CNTN5: variants seen among roughly 807,000 people sequenced by gnomAD.
CNTN5 encodes contactin-5.
CNTN5 carries 77 observed loss-of-function variants against 129.1 expected under a neutral mutation model. That is an observed-to-expected ratio of 0.60 (90% CI 0.50 to 0.72). The LOEUF is 0.72. Among genes scored for constraint, CNTN5 ranks in the 30% least tolerant of loss-of-function variants. CNTN5 has a pLI of 0.00. For synonymous variants in CNTN5, 509 were observed against 465.6 expected (o/e 1.09, Z -1.20); for missense variants, 1,478 against 1,328.8 (o/e 1.11, Z -1.75).
At chr11:100,036,333 G>T (rs1185520668) in intron 9 of CNTN5, among the ~76,000 whole-genome samples, 37 of 145,334 alleles carry the variant, frequency 2.5e-4, no homozygotes, top group South Asian at 6.6e-4. Context: ...CTATATCTCT[G>T]TTTTGGTACC....
chr11:99,259,345 T>C (rs1303788021), intron 1 of CNTN5, among the ~76,000 whole-genome samples: 1 of 151,782 alleles, frequency 6.6e-6, no homozygotes, highest in Admixed American at 6.6e-5. Flanking sequence ...TACACATAAG[T>C]ATTAATATTA....
chr11:99,881,995 C>A (rs1190960097), intron 6 of CNTN5, among the ~76,000 whole-genome samples: 2 of 152,134 alleles, frequency 1.3e-5, no homozygotes, highest in African/African-American at 2.4e-5. Context: ...ATGGGGACAA[C>A]AGAAGCCTGA....
intron 1 of CNTN5, among the ~76,000 whole-genome samples, chr11:99,272,282 T>G (rs1166422365): frequency 6.6e-6 from 1 of 151,460 alleles, no homozygotes. Context: ...AATGGAGATC[T>G]ATTTGAGTAA....
At chr11:100,176,016 G>A (rs1004171677) in intron 13 of CNTN5, among the ~76,000 whole-genome samples, 2 of 151,888 alleles carry the variant, frequency 1.3e-5, no homozygotes, top group African/African-American at 2.4e-5. Flanking sequence ...TATAGTTGAA[G>A]GGATTCATAA....
intron 4 of CNTN5, among the ~76,000 whole-genome samples, chr11:99,843,754 C>T (rs938982023): frequency 1.8e-4 from 28 of 152,004 alleles, no homozygotes; most frequent in African/African-American, 6.5e-4. Context: ...AGGACAGCCC[C>T]GCCTCAACAG....
rs76420502 is a variant in CNTN5, at chr11:99,348,845, T to C, written c.-71+23361T>C. The stretch of plus-strand genomic sequence containing the variant: ...TAATATAAAACTCTCCCCTGCAATG[T>C]CACCCAGTGGTGCCTAAGTGCTCCA... On this transcript the variant is annotated intron_variant, in intron 2 of 24. Transcript: ENST00000524871. Among the ~76,000 whole-genome samples, 738 of 152,342 alleles carry C rather than the reference T, an allele frequency of 4.8e-3. 4 individuals carry two copies. Among genetic ancestry groups the C allele is most frequent in the African/African-American group, 0.016 (667 of 41,582 alleles).
intron 2 of CNTN5, among the ~76,000 whole-genome samples, chr11:99,498,917 G>A (rs1345920533): frequency 6.6e-6 from 1 of 152,164 alleles, no homozygotes; most frequent in Non-Finnish European, 1.5e-5. Context: ...ACTGAGTAAG[G>A]AGATCTAGGA....
intron 2 of CNTN5, among the ~76,000 whole-genome samples, chr11:99,462,652 C>T (rs1465511344): frequency 6.6e-6 from 1 of 152,122 alleles, no homozygotes; most frequent in Admixed American, 6.6e-5. Context: ...CCAAAAGAGT[C>T]CGGTAGTACT....
chr11:100,150,854 G>A (rs986620538), intron 13 of CNTN5, among the ~76,000 whole-genome samples: 8 of 152,068 alleles, frequency 5.3e-5, no homozygotes, highest in African/African-American at 1.9e-4. Context: ...CTAATGTGAT[G>A]GTATTTGGAA....
At chr11:99,762,756 A>C (rs1293072137) in intron 3 of CNTN5, among the ~76,000 whole-genome samples, 1 of 152,196 alleles carries the variant, frequency 6.6e-6, no homozygotes, top group Non-Finnish European at 1.5e-5. Context: ...TGAGACAGGA[A>C]GGAAACCATT....
chr11:100,106,468 G>A (rs1322545659), intron 13 of CNTN5, among the ~76,000 whole-genome samples: 1 of 151,644 alleles, frequency 6.6e-6, no homozygotes, highest in Non-Finnish European at 1.5e-5. Context: ...GGAAGAAAAG[G>A]GAGCATTCTG....
At chr11:100,153,017 G>C (rs1383385490) in intron 13 of CNTN5, among the ~76,000 whole-genome samples, 1 of 151,984 alleles carries the variant, frequency 6.6e-6, no homozygotes, top group Non-Finnish European at 1.5e-5. Context: ...CACAAAAAAA[G>C]TATTCTCATA....
intron 2 of CNTN5, among the ~76,000 whole-genome samples, chr11:99,409,189 G>T (rs1408334407): frequency 6.6e-6 from 1 of 152,146 alleles, no homozygotes; most frequent in Non-Finnish European, 1.5e-5. Flanking sequence ...TGCCGGCCAG[G>T]CACGATGGCT....
chr11:99,645,146 G>C (rs2135857409), intron 3 of CNTN5, among the ~76,000 whole-genome samples: 1 of 148,170 alleles, frequency 6.7e-6, no homozygotes, highest in South Asian at 2.2e-4. Context: ...TGTAGTCCCA[G>C]CTGCTCGGGA....
At chr11:99,908,190 C>T (rs889905029) in intron 6 of CNTN5, among the ~76,000 whole-genome samples, 2 of 151,580 alleles carry the variant, frequency 1.3e-5, no homozygotes, top group Admixed American at 1.3e-4. Context: ...TGAAGTTGTG[C>T]CAGGGGAATA....
At chr11:99,323,955 G>C (rs1865676629) in intron 1 of CNTN5, among the ~76,000 whole-genome samples, 1 of 151,994 alleles carries the variant, frequency 6.6e-6, no homozygotes, top group African/African-American at 2.4e-5. Context: ...AAGCAAGGAA[G>C]ACAAAAAGGA....
intron 3 of CNTN5, among the ~76,000 whole-genome samples, chr11:99,680,884 T>A (rs1953521508): frequency 1.3e-5 from 2 of 151,938 alleles, no homozygotes; most frequent in South Asian, 4.2e-4. Flanking sequence ...ATTAAAAACC[T>A]TTTGATAAGG....
intron 13 of CNTN5, among the ~76,000 whole-genome samples, chr11:100,177,194 C>T: frequency 6.6e-6 from 1 of 152,040 alleles, no homozygotes; most frequent in East Asian, 1.9e-4. Context: ...GATCATTTTA[C>T]CTATTCCCCT....
chr11:100,121,869 A>G (rs1327925327), intron 13 of CNTN5, among the ~76,000 whole-genome samples: 1 of 152,058 alleles, frequency 6.6e-6, no homozygotes, highest in Admixed American at 6.6e-5. Flanking sequence ...AAAGTATTAA[A>G]AATGATAGAG....
Sources: allele counts gnomAD v4.1 joint callset (sites outside exome capture counted in the v4.1 genomes callset), GRCh38; gene constraint gnomAD v4.1.1; transcripts MANE v1.5; gene names NCBI Gene and HGNC (gene_info 2026-07-23, HGNC 2026-07-21).